HEMK1: variants seen among roughly 807,000 people sequenced by gnomAD.
HEMK1 encodes HemK methyltransferase 1, mitochondrial release factors N(5)-glutamine.
Under a neutral mutation model 47.9 loss-of-function variants are expected in HEMK1, and 36 were observed. The observed-to-expected ratio is 0.75, with a 90% confidence interval of 0.58 to 0.99. The LOEUF (loss-of-function observed/expected upper bound fraction) is 0.99, where lower values mean the gene tolerates loss of function less well. Among genes scored for constraint, HEMK1 ranks in the 50% least tolerant of loss-of-function variants. HEMK1 has a pLI of 0.00. For synonymous variants in HEMK1, 153 were observed against 165.4 expected (o/e 0.93, Z 0.57); for missense variants, 383 against 434.5 (o/e 0.88, Z 1.05).
In HEMK1 at chr3:50,583,530, C is replaced by T. The variant is rs1381569588; in HGVS notation, c.*3113C>T. ...TAGGCTGTCATCAGAACAAAGGGCT[C>T]CACTGCTGACAAGGTTTGAGAACTG... On this transcript the variant is annotated 3_prime_UTR_variant, in exon 11 of 11. Coordinates refer to ENST00000232854, the MANE Select transcript of HEMK1 (RefSeq NM_016173.5). The T allele has an allele frequency of 6.6e-6, 1 of 152,272 alleles. No homozygotes were observed. Among genetic ancestry groups the T allele is most frequent in the Non-Finnish European group, 1.5e-5 (1 of 68,090 alleles). The allele number at this position is 152,272 out of a possible 1,614,324, so 9.4% of individuals were successfully genotyped here.
At chr3:50,569,442 G>A (rs1225977047), upstream of HEMK1, 2 of 151,870 alleles carry the variant, frequency 1.3e-5, no homozygotes, top group Non-Finnish European at 2.9e-5. Context: ...GCGTCCGCCC[G>A]AGCCTTTTCT....
chr3:50,579,592 A>C (rs1307201226), intron 8 of HEMK1, among the ~76,000 whole-genome samples: 1 of 152,202 alleles, frequency 6.6e-6, no homozygotes, highest in Non-Finnish European at 1.5e-5. Flanking sequence ...GAGTCAGTGC[A>C]TCAAGAGAGG....
Position 50,580,865 on chromosome 3 carries a change from CTGGCAT to C in HEMK1, c.*449_*454del. 1.9e-5 allele frequency: 4 copies of C among 212,420 alleles called. No homozygotes were observed. Among genetic ancestry groups the C allele is most frequent in the Admixed American group, 5.3e-5 (1 of 18,708 alleles). 13.2% of individuals were successfully genotyped at this position (212,420 alleles called of 1,614,324 possible). ...CTCCTGGCCTTGGATACCATGGGTC[CTGGCAT>C]AGAGCAGCTCACTCCCAGGGATTGA... On this transcript the variant is annotated 3_prime_UTR_variant, in exon 11 of 11. Coordinates refer to ENST00000232854, the MANE Select transcript of HEMK1 (RefSeq NM_016173.5).
rs1179761467 is a variant in HEMK1, at chr3:50,587,758, T to C, written c.*7341T>C. ...GGGGACCAGGGGCCTAAAGAGCTTT[T>C]TGAGCTGAGTTACAGGGTTAGAGAA... is the stretch of plus-strand genomic sequence containing the variant. On this transcript the variant is annotated 3_prime_UTR_variant, in exon 11 of 11. Coordinates refer to ENST00000232854, the MANE Select transcript of HEMK1 (RefSeq NM_016173.5). This position sits in a 1 kb window ranked among gnomAD's most constrained non-coding sequence, Gnocchi z 4.2. 1 of 152,260 alleles carries C rather than the reference T, an allele frequency of 6.6e-6. No individual in the cohort carries two copies. Among genetic ancestry groups the C allele is most frequent in the African/African-American group, 2.4e-5 (1 of 41,456 alleles). The allele number at this position is 152,260 out of a possible 1,614,324, so 9.4% of individuals were successfully genotyped here. A position where few individuals can be genotyped will look rare whatever the true frequency, so the allele number is the denominator to read the frequency against.
At chr3:50,578,238 A>G (rs1476594726) in intron 7 of HEMK1, among the ~76,000 whole-genome samples, 2 of 152,228 alleles carry the variant, frequency 1.3e-5, no homozygotes, top group Non-Finnish European at 2.9e-5. Context: ...CCTGCCTGGC[A>G]GGGGAAGTGG....
At chr3:50,573,043 C>A (rs992949483) in intron 4 of HEMK1, among the ~76,000 whole-genome samples, 5 of 152,240 alleles carry the variant, frequency 3.3e-5, no homozygotes, top group Non-Finnish European at 5.9e-5. Context: ...CAGGGGGCCC[C>A]AAACCCTTCT....
Position 50,571,303 on chromosome 3 carries a change from A to G in HEMK1, c.199A>G (p.Ile67Val). ...IPEARESSEY[I>V]VAHVLGAKTF... is the part of the protein sequence containing the mutation. ...TGAGGCCCGGGAATCCAGTGAGTACATCGTGGCTCATGTCCTTGGAGCCAA... is the reference window on the plus strand; with the variant it reads ...TGAGGCCCGGGAATCCAGTGAGTACGTCGTGGCTCATGTCCTTGGAGCCAA... The change falls in exon 2 of 11, where the codon ATC becomes GTC. Residue 67 changes from isoleucine to valine, a missense_variant. Physicochemically the swap from Ile to Val is conservative, Grantham distance 29. Transcript: ENST00000232854. The G allele has an allele frequency of 6.2e-7, 1 of 1,605,762 alleles. No homozygotes were observed. The highest frequency in any genetic ancestry group is 8.5e-7 in the Non-Finnish European group (1 of 1,175,692).
rs1025385173 is a variant in HEMK1 at position 50,595,387 on chromosome 3, T to C, written c.*14970T>C. On this transcript the variant is annotated 3_prime_UTR_variant, in exon 11 of 11. Coordinates refer to ENST00000232854, the MANE Select transcript of HEMK1 (RefSeq NM_016173.5). The stretch of plus-strand genomic sequence containing the variant: ...CAGTTCCTACAGAGTGATGTGATGA[T>C]GGCCCGGTGATGCCTGCATATGCAT... 1.3e-5 allele frequency: 2 copies of C among 152,246 alleles called. No individual in the cohort carries two copies. Among genetic ancestry groups the C allele is most frequent in the African/African-American group, 4.8e-5 (2 of 41,454 alleles). The allele number at this position is 152,246 out of a possible 1,614,324, so 9.4% of individuals were successfully genotyped here. A position where few individuals can be genotyped will look rare whatever the true frequency, so the allele number is the denominator to read the frequency against.
At chr3:50,577,311 G>A in intron 5 of HEMK1, 125 bp downstream of exon 5, 1 of 1,220,970 alleles carries the variant, frequency 8.2e-7, no homozygotes, top group Admixed American at 1.9e-5. Flanking sequence ...GGAGGACAGG[G>A]CTGCCCCTAG....
chr3:50,580,159 AGCAGCT>A lies in HEMK1; in HGVS notation c.912_917del (p.Ser304_Trp306delinsArg), dbSNP rs770847646. On this transcript the variant is annotated inframe_deletion, in exon 10 of 11. Transcript: ENST00000232854. Reference sequence around the variant, plus strand: ...GGACCCAAGGCACCCGGAGCTTGTCAGCAGCTGGCTTCAGAGCCGGCCTGACCTGTA... The same window carrying A: ...GGACCCAAGGCACCCGGAGCTTGTCAGGCTTCAGAGCCGGCCTGACCTGTA... 6 of 1,614,162 alleles carry A rather than the reference AGCAGCT, an allele frequency of 3.7e-6. No homozygotes were observed. The South Asian group carries it at 5.5e-5, about 15-fold the overall frequency.
Position 50,581,647 on chromosome 3 carries a change from A to G in HEMK1, c.*1230A>G, listed in dbSNP as rs2030824263. The G allele has an allele frequency of 6.6e-6, 1 of 152,258 alleles. No homozygotes were observed. Among genetic ancestry groups the G allele is most frequent in the Admixed American group, 6.5e-5 (1 of 15,288 alleles). The allele number at this position is 152,258 out of a possible 1,614,324, so 9.4% of individuals were successfully genotyped here. A position where few individuals can be genotyped will look rare whatever the true frequency, so the allele number is the denominator to read the frequency against. On this transcript the variant is annotated 3_prime_UTR_variant, in exon 11 of 11. Transcript: ENST00000232854. ...TGTGCATGCTGGCATCTGAATGTCC[A>G]TTCGCCAGGCATGGAGAGCAAGAGA...
At position 50,577,593 on chromosome 3, in the gene HEMK1, T is replaced by C. The variant is rs200497540; in HGVS notation, c.614+20T>C. 287 of 1,609,514 alleles carry C rather than the reference T, an allele frequency of 1.8e-4. No individual in the cohort carries two copies. Among genetic ancestry groups the C allele is most frequent in the Non-Finnish European group, 2.3e-4 (267 of 1,176,022 alleles). ...TCAGAGGTAGGTGGGGGAGTTGCAC[T>C]TTGGGGCCTAATCTTGACTCCTTTT... On this transcript the variant is annotated intron_variant, in intron 6 of 10. Transcript: ENST00000232854.
rs1007873349 is a variant in HEMK1, at chr3:50,571,254, G to C, written c.150G>C (p.Gly50=). The C allele has an allele frequency of 1.2e-5, 20 of 1,613,502 alleles. No homozygotes were observed. The highest frequency in any genetic ancestry group is 1.7e-5 in the Non-Finnish European group (20 of 1,179,816). Residue 50 remains glycine (G), a synonymous_variant, in exon 2 of 11, where the codon GGG becomes GGC. Transcript: ENST00000232854. ...TAGAACTGGTCAGCCACTGGACTGG[G>C]GTCTTTGAGAAGAGGGGTATCCCTG... ...SAIELVSHWT[G]VFEKRGIPEA...
intron 9 of HEMK1, 40 bp downstream of exon 9, chr3:50,579,979 G>A (rs368244208): frequency 3.2e-6 from 5 of 1,549,350 alleles, no homozygotes; most frequent in Middle Eastern, 1.7e-4. Flanking sequence ...TCCCCAGCAG[G>A]CTCCTCTGCT....
chr3:50,594,012 C>T lies in HEMK1; in HGVS notation c.*13595C>T, dbSNP rs558063311. 5 of 152,320 alleles carry T rather than the reference C, an allele frequency of 3.3e-5. No homozygotes were observed. Among genetic ancestry groups the T allele is most frequent in the African/African-American group, 1.2e-4 (5 of 41,558 alleles). The allele number at this position is 152,320 out of a possible 1,614,324, so 9.4% of individuals were successfully genotyped here. A position where few individuals can be genotyped will look rare whatever the true frequency, so the allele number is the denominator to read the frequency against. ...AAATGCTGGGATTACAGGCCTGAGC[C>T]ACCACACCCGGCCTGTCTTTTCCTT... On this transcript the variant is annotated 3_prime_UTR_variant, in exon 11 of 11. Coordinates refer to ENST00000232854, the MANE Select transcript of HEMK1 (RefSeq NM_016173.5).
intron 8 of HEMK1, among the ~76,000 whole-genome samples, chr3:50,579,353 G>A (rs755708620): frequency 2.0e-5 from 3 of 152,122 alleles, no homozygotes; most frequent in Admixed American, 6.5e-5. Context: ...TGGGAAAGCC[G>A]GGACTAAAAG....
chr3:50,571,439 G>C, intron 2 of HEMK1, 107 bp downstream of exon 2: 1 of 855,402 alleles, frequency 1.2e-6, no homozygotes, highest in Non-Finnish European at 1.8e-6. Flanking sequence ...AGACTGATGG[G>C]ATTTTTCTGA....
rs2031768268 is a variant in HEMK1, at chr3:50,592,352, G to C, written c.*11935G>C. 1 of 152,072 alleles carries C rather than the reference G, an allele frequency of 6.6e-6. No homozygotes were observed. Among genetic ancestry groups the C allele is most frequent in the East Asian group, 1.9e-4 (1 of 5,190 alleles). The allele number at this position is 152,072 out of a possible 1,614,324, so 9.4% of individuals were successfully genotyped here. A position where few individuals can be genotyped will look rare whatever the true frequency, so the allele number is the denominator to read the frequency against. Reference sequence around the variant, plus strand: ...GGGAACTAACCACAGGCTCCTCCCAGCTTTCACTAACCAACCCCAGGATTT... The same window carrying C: ...GGGAACTAACCACAGGCTCCTCCCACCTTTCACTAACCAACCCCAGGATTT... On this transcript the variant is annotated 3_prime_UTR_variant, in exon 11 of 11. Coordinates refer to ENST00000232854, the MANE Select transcript of HEMK1 (RefSeq NM_016173.5).
intron 4 of HEMK1, among the ~76,000 whole-genome samples, chr3:50,574,394 T>C (rs755112266): frequency 2.0e-5 from 3 of 152,224 alleles, no homozygotes; most frequent in Non-Finnish European, 4.4e-5. Context: ...TGGAGTGTTA[T>C]GGCAAACAAG....
Sources: allele counts gnomAD v4.1 joint callset (sites outside exome capture counted in the v4.1 genomes callset), GRCh38; gene constraint gnomAD v4.1.1; non-coding constraint Gnocchi (gnomAD v3.1); transcripts MANE v1.5; gene names NCBI Gene and HGNC (gene_info 2026-07-23, HGNC 2026-07-21).